The following PCDH15 variants were observed in gnomAD, a reference collection of about 807,000 sequenced individuals.
PCDH15 encodes protocadherin-15.
PCDH15 carries 129 observed loss-of-function variants against 178.5 expected under a neutral mutation model. The observed-to-expected ratio is 0.72, with a 90% CI of 0.63 to 0.84. The LOEUF (loss-of-function observed/expected upper bound fraction) is 0.84, where lower values mean the gene tolerates loss of function less well. PCDH15 is among the 40% of genes least tolerant of loss of function. The probability of loss-of-function intolerance (pLI) is 0.00; values close to 1 mark genes in which losing one functional copy is unlikely to be tolerated. For synonymous variants in PCDH15, 800 were observed against 732.0 expected (o/e 1.09, Z -1.50); for missense variants, 2,230 against 2,099.9 (o/e 1.06, Z -1.21).
At chr10:55,500,198 G>A (rs1319506671) in intron 2 of PCDH15, among the ~76,000 whole-genome samples, 1 of 151,666 alleles carries the variant, frequency 6.6e-6, no homozygotes, top group Non-Finnish European at 1.5e-5. Flanking sequence ...GTATCTTAAA[G>A]AATGTATTAG....
intron 3 of PCDH15, among the ~76,000 whole-genome samples, chr10:54,429,624 G>A (rs9416338): frequency 0.05 from 7,546 of 152,076 alleles, 632 homozygotes; most frequent in African/African-American, 0.17. Context: ...TCGACTGAAA[G>A]TAAAGGCACG....
In PCDH15 at chr10:54,241,808, T is replaced by C. The variant is rs191000217; in HGVS notation, c.877-4877A>G. Among the ~76,000 whole-genome samples the C allele has an allele frequency of 1.7e-3, 262 of 152,078 alleles. 1 individual carries two copies. The highest frequency in any genetic ancestry group is 5.8e-3 in the African/African-American group (239 of 41,470). On this transcript the variant is annotated intron_variant, in intron 8 of 37. Transcript: ENST00000644397. ...GAGATTCATAATGAGAAGGTAATCA[T>C]AGAAACGATTAAACAATAACAAAAA...
At chr10:54,766,067 A>G (rs974576830) in intron 1 of PCDH15, among the ~76,000 whole-genome samples, 6 of 152,148 alleles carry the variant, frequency 3.9e-5, no homozygotes, top group South Asian at 4.1e-4. Context: ...AGCTATATAC[A>G]TTGTATATCT....
At chr10:55,607,754 G>A (rs1316728330) in intron 2 of PCDH15, among the ~76,000 whole-genome samples, 1 of 107,470 alleles carries the variant, frequency 9.3e-6, no homozygotes, top group Non-Finnish European at 1.7e-5. Flanking sequence ...GTTGTGGGGT[G>A]GGGGGAGGGG....
intron 18 of PCDH15, among the ~76,000 whole-genome samples, chr10:54,049,067 C>T (rs1458854891): frequency 6.6e-6 from 1 of 151,992 alleles, no homozygotes; most frequent in Non-Finnish European, 1.5e-5. Context: ...TGTAGGTCTC[C>T]TTGTAGCAAT....
intron 3 of PCDH15, among the ~76,000 whole-genome samples, chr10:54,482,347 C>T (rs890631806): frequency 1.3e-5 from 2 of 151,622 alleles, no homozygotes; most frequent in African/African-American, 4.8e-5. Context: ...ATCATATGAA[C>T]AGATATTATA....
At chr10:54,013,958 A>G (rs1432838211) in intron 20 of PCDH15, among the ~76,000 whole-genome samples, 1 of 152,118 alleles carries the variant, frequency 6.6e-6, no homozygotes, top group Non-Finnish European at 1.5e-5. Context: ...AGATAAATGA[A>G]TTTAGGAATT....
At chr10:54,565,081 T>G (rs2088814971) in intron 2 of PCDH15, among the ~76,000 whole-genome samples, 1 of 152,146 alleles carries the variant, frequency 6.6e-6, no homozygotes, top group Non-Finnish European at 1.5e-5. Flanking sequence ...CAAACCATTA[T>G]AAGCAATAAA....
intron 3 of PCDH15, among the ~76,000 whole-genome samples, chr10:54,897,267 G>T (rs986149513): frequency 8.5e-5 from 13 of 152,120 alleles, no homozygotes; most frequent in Non-Finnish European, 5.9e-5. Flanking sequence ...CTATACAAGT[G>T]GGTTTTCAAT....
intron 2 of PCDH15, among the ~76,000 whole-genome samples, chr10:54,987,812 T>G (rs772946200): frequency 2.6e-4 from 40 of 152,254 alleles, no homozygotes; most frequent in Non-Finnish European, 4.7e-4. Flanking sequence ...CGCTGTAGGT[T>G]GCCTGTTCAC....
Position 55,353,117 on chromosome 10 carries a change from A to G in PCDH15, c.-155-186466T>C, listed in dbSNP as rs559319214. 8.9e-4 allele frequency among the ~76,000 whole-genome samples: 135 copies of G among 152,222 alleles called. 1 individual carries two copies. Among genetic ancestry groups the G allele is most frequent in the Non-Finnish European group, 5.9e-4 (40 of 67,992 alleles). On this transcript the variant is annotated intron_variant, in intron 2 of 5. Transcript: ENST00000613346. The stretch of plus-strand genomic sequence containing the variant: ...TCATCTGATGTCTGACCATCCGACT[A>G]CCACTTCTTCAAGCATCTCTACAAC...
chr10:54,551,946 A>G (rs1196822158), intron 2 of PCDH15, among the ~76,000 whole-genome samples: 1 of 152,106 alleles, frequency 6.6e-6, no homozygotes, highest in Non-Finnish European at 1.5e-5. Flanking sequence ...GAAAAAGAAA[A>G]TAAATAAAAG....
At chr10:55,304,225 C>T (rs1301490894) in intron 1 of PCDH15, among the ~76,000 whole-genome samples, 2 of 152,040 alleles carry the variant, frequency 1.3e-5, no homozygotes, top group African/African-American at 4.8e-5. Context: ...TGCTCAGCTG[C>T]ACTTTTCCTG....
chr10:54,454,083 C>T (rs1420825310), intron 3 of PCDH15, among the ~76,000 whole-genome samples: 1 of 150,108 alleles, frequency 6.7e-6, no homozygotes, highest in Non-Finnish European at 1.5e-5. Context: ...GATTTATAAA[C>T]ATATAACAGA....
At chr10:55,332,542 A>G (rs1844229353) in intron 2 of PCDH15, among the ~76,000 whole-genome samples, 2 of 152,168 alleles carry the variant, frequency 1.3e-5, no homozygotes, top group Non-Finnish European at 2.9e-5. Flanking sequence ...TGATCATAAA[A>G]CTAATCAATA....
At chr10:54,645,006 C>A (rs899888816) in intron 2 of PCDH15, among the ~76,000 whole-genome samples, 1 of 152,152 alleles carries the variant, frequency 6.6e-6, no homozygotes, top group African/African-American at 2.4e-5. Flanking sequence ...CTTTGACTTC[C>A]AGCCTCCAGA....
chr10:53,835,784 T>C (rs1350951660), intron 29 of PCDH15, among the ~76,000 whole-genome samples: 1 of 151,978 alleles, frequency 6.6e-6, no homozygotes, highest in Non-Finnish European at 1.5e-5. Context: ...ACAGCTAAAA[T>C]TGTAATAAAT....
intron 1 of PCDH15, among the ~76,000 whole-genome samples, chr10:54,789,270 A>G (rs1566260205): frequency 1.3e-5 from 2 of 151,878 alleles, no homozygotes; most frequent in African/African-American, 4.8e-5. Context: ...TCTTGTTTCT[A>G]TTTTGTCCCT....
intron 3 of PCDH15, among the ~76,000 whole-genome samples, chr10:54,405,347 T>C (rs1236105507): frequency 2.0e-5 from 3 of 152,078 alleles, no homozygotes; most frequent in African/African-American, 7.2e-5. Context: ...TGGAATACTA[T>C]GCAGCCATAT....
Sources: gnomAD v4.1 joint callset for allele counts (sites outside exome capture counted in the v4.1 genomes callset) on GRCh38, gnomAD v4.1.1 for gene constraint, MANE v1.5 for transcripts, NCBI Gene and HGNC (gene_info 2026-07-23, HGNC 2026-07-21) for gene names.